SYNE1: variants seen among roughly 807,000 people sequenced by gnomAD.
The protein encoded by SYNE1 is spectrin repeat containing nuclear envelope protein 1, also known as nesprin-1.
SYNE1 carries 616 observed loss-of-function variants against 1,111.0 expected under a neutral mutation model. The observed-to-expected ratio is 0.55, with a 90% CI of 0.52 to 0.59. SYNE1 has a LOEUF of 0.59. Among genes scored for constraint, SYNE1 ranks in the 20% least tolerant of loss-of-function variants. The probability of loss-of-function intolerance (pLI) is 0.00; values close to 1 mark genes in which losing one functional copy is unlikely to be tolerated. For synonymous variants in SYNE1, 3,855 were observed against 3,825.8 expected (o/e 1.01, Z -0.28); for missense variants, 10,006 against 10,417.0 (o/e 0.96, Z 1.72).
At chr6:152,165,192 C>T (rs759011526) in intron 130 of SYNE1, among the ~76,000 whole-genome samples, 5 of 152,098 alleles carry the variant, frequency 3.3e-5, no homozygotes, top group South Asian at 2.1e-4. Context: ...CAGCCACCAC[C>T]GCCAGGTGGT....
intron 110 of SYNE1, 151 bp downstream of exon 110, chr6:152,235,956 T>TG: frequency 1.3e-6 from 1 of 774,526 alleles, no homozygotes; most frequent in Non-Finnish European, 2.2e-6. Context: ...TTGCCCAGGC[T>TG]GGTCTTGAAC....
chr6:152,535,382 A>T (rs1421599384), intron 4 of SYNE1, among the ~76,000 whole-genome samples: 1 of 152,206 alleles, frequency 6.6e-6, no homozygotes, highest in Non-Finnish European at 1.5e-5. Flanking sequence ...TGCTCATATC[A>T]TGCCTGAGTT....
chr6:152,376,004 T>TG (rs1427556619), intron 58 of SYNE1: 1 of 183,964 alleles, frequency 5.4e-6, no homozygotes, highest in African/African-American at 2.4e-5. Flanking sequence ...CACCAGGGAG[T>TG]GGTTTCAGGG....
In SYNE1 at chr6:152,331,027, C is replaced by T. The variant is rs762658704; in HGVS notation, c.13658G>A (p.Arg4553Gln). The T allele has an allele frequency of 8.7e-6, 14 of 1,614,000 alleles. No homozygotes were observed. The highest frequency in any genetic ancestry group is 2.2e-5 in the East Asian group (1 of 44,884). ...YDSVLQKCSH[R>Q]LQELEKNLVS... ...CAAATTCTTCTCTAGTTCTTGTAAC[C>T]GGTGACTGCACTTTTGTAAAACACT... The change falls in exon 78 of 146, where the codon CGG becomes CAG. Residue 4553 changes from arginine (R) to glutamine (Q), a missense_variant. This residue lies in a region of SYNE1 where 4,955 missense variants were observed against 5,017.2 expected (regional missense o/e 0.99). Transcript: ENST00000367255.
intron 5 of SYNE1, among the ~76,000 whole-genome samples, chr6:152,522,464 T>C (rs2154350391): frequency 6.6e-6 from 1 of 152,286 alleles, no homozygotes; most frequent in South Asian, 2.1e-4. Context: ...CACTGGTCAG[T>C]GGCCACTTAG....
At chr6:152,520,080 C>T (rs1298031251) in intron 6 of SYNE1, among the ~76,000 whole-genome samples, 1 of 152,116 alleles carries the variant, frequency 6.6e-6, no homozygotes, top group Admixed American at 6.6e-5. Flanking sequence ...GAATGGAAGA[C>T]ACAACTAAAT....
intron 16 of SYNE1, among the ~76,000 whole-genome samples, chr6:152,468,770 C>CTTTATT (rs200493477): frequency 6.6e-6 from 1 of 151,854 alleles, no homozygotes; most frequent in Non-Finnish European, 1.5e-5. Flanking sequence ...TATTATAATA[C>CTTTATT]TTTATTTTTA....
intron 87 of SYNE1, among the ~76,000 whole-genome samples, chr6:152,313,310 C>T (rs1029925325): frequency 2.6e-5 from 4 of 152,164 alleles, no homozygotes; most frequent in Admixed American, 2.0e-4. Context: ...ATCAACCTGT[C>T]TAACCATAAT....
chr6:152,462,112 ACT>A (rs2098737534), intron 20 of SYNE1, among the ~76,000 whole-genome samples: 1 of 151,466 alleles, frequency 6.6e-6, no homozygotes, highest in Admixed American at 6.6e-5. Context: ...AAAAAAAGTA[ACT>A]CATTGCCATT....
intron 3 of SYNE1, among the ~76,000 whole-genome samples, chr6:152,573,181 T>G (rs181534143): frequency 6.6e-6 from 1 of 151,914 alleles, no homozygotes; most frequent in Non-Finnish European, 1.5e-5. Context: ...GATTTTTTTT[T>G]AAATTTTATT....
rs903027102 is a variant in SYNE1, at chr6:152,267,604, G to A, written c.18815+452C>T. Reference sequence around the variant, plus strand: ...TTCCTTAATTTTTCTTGACTCTTCTGTGTAGAAGACTTTGAAAGTCTTCAC... The same window carrying A: ...TTCCTTAATTTTTCTTGACTCTTCTATGTAGAAGACTTTGAAAGTCTTCAC... On this transcript the variant is annotated intron_variant, in intron 100 of 145. Coordinates refer to ENST00000367255, the MANE Select transcript of SYNE1 (RefSeq NM_182961.4). 2.6e-5 allele frequency among the ~76,000 whole-genome samples: 4 copies of A among 152,072 alleles called. No homozygotes were observed. In the East Asian group the frequency reaches 7.7e-4, roughly 29 times the overall value.
chr6:152,631,607 C>A (rs2099698097), intron 2 of SYNE1, among the ~76,000 whole-genome samples: 1 of 152,106 alleles, frequency 6.6e-6, no homozygotes, highest in South Asian at 2.1e-4. Context: ...TCTCAGGAAT[C>A]CAGGTAGAAG....
Position 152,330,065 on chromosome 6 carries a change from C to T in SYNE1, c.14620G>A (p.Glu4874Lys), listed in dbSNP as rs147947110. ...ELKLLTSAIG[E>K]TVTECESRMV... ...CGGCTCTCACATTCTGTCACCGTCTCACCAATGGCAGAAGTCAACAGTTTT... is the reference window on the plus strand; with the variant it reads ...CGGCTCTCACATTCTGTCACCGTCTTACCAATGGCAGAAGTCAACAGTTTT... The change falls in exon 78 of 146, where the codon GAG becomes AAG. Residue 4874 changes from glutamate to lysine, a missense_variant. Transcript: ENST00000367255. 1.7e-5 allele frequency: 28 copies of T among 1,614,032 alleles called. No homozygotes were observed. In the African/African-American group the frequency reaches 3.7e-4, roughly 22 times the overall value.
chr6:152,531,689 C>T (rs1305980605), intron 4 of SYNE1, among the ~76,000 whole-genome samples: 6 of 152,150 alleles, frequency 3.9e-5, no homozygotes, highest in Non-Finnish European at 8.8e-5. Flanking sequence ...TTCTACCATT[C>T]TATTTTCTTT....
intron 30 of SYNE1, 59 bp downstream of exon 30, chr6:152,444,352 G>A: frequency 6.3e-7 from 1 of 1,577,478 alleles, no homozygotes; most frequent in South Asian, 1.1e-5. Context: ...TATCTCTCTG[G>A]TTCTTTCAGT....
At chr6:152,393,359 AG>A (rs373403344) in intron 51 of SYNE1, among the ~76,000 whole-genome samples, 46 of 152,260 alleles carry the variant, frequency 3.0e-4, no homozygotes, top group African/African-American at 9.4e-4. Context: ...ATCTGGAAGA[AG>A]GGAAGTAGGT....
At chr6:152,411,731 C>CAACACA (rs60807760) in intron 42 of SYNE1, among the ~76,000 whole-genome samples, 31,448 of 149,512 alleles carry the variant, frequency 0.21, 3,457 homozygotes, top group East Asian at 0.39. Context: ...ACACACACCC[C>CAACACA]CACACACACA....
intron 140 of SYNE1, among the ~76,000 whole-genome samples, chr6:152,139,734 AAAG>A (rs1585927300): frequency 9.5e-6 from 1 of 105,268 alleles, no homozygotes; most frequent in Non-Finnish European, 2.0e-5. Context: ...AGAAAGAAAG[AAAG>A]AAAGAAAGAA....
In SYNE1 at chr6:152,344,454, C is replaced by T. The variant is rs112378220; in HGVS notation, c.12079-227G>A. Among the ~76,000 whole-genome samples, 225 of 152,160 alleles carry T rather than the reference C, an allele frequency of 1.5e-3. 1 individual carries two copies. The highest frequency in any genetic ancestry group is 5.0e-3 in the African/African-American group (208 of 41,510). ...GGACCACACATCACAGTGTAATATC[C>T]GGATTAGGGGAAGAGAACATGAGCA... On this transcript the variant is annotated intron_variant, in intron 73 of 145. Coordinates refer to ENST00000367255, the MANE Select transcript of SYNE1 (RefSeq NM_182961.4).
Sources: allele counts gnomAD v4.1 joint callset (sites outside exome capture counted in the v4.1 genomes callset), GRCh38; gene constraint gnomAD v4.1.1; regional missense constraint gnomAD v4.1.1; transcripts MANE v1.5; gene names NCBI Gene and HGNC (gene_info 2026-07-23, HGNC 2026-07-21).